Variants in PARD3B observed in about 807,000 individuals in gnomAD.
PARD3B encodes par-3 family cell polarity regulator beta.
In PARD3B, 103 loss-of-function variants were observed where a neutral mutation model predicts 130.2. That is an observed-to-expected ratio of 0.79 (90% CI 0.67 to 0.93). The LOEUF is 0.93. Among genes scored for constraint, PARD3B ranks in the 40% least tolerant of loss-of-function variants. The pLI is 0.00. For synonymous variants in PARD3B, 583 were observed against 553.2 expected (o/e 1.05, Z -0.76); for missense variants, 1,609 against 1,499.2 (o/e 1.07, Z -1.21).
At chr2:205,248,500 T>C (rs1347616363) in intron 16 of PARD3B, among the ~76,000 whole-genome samples, 1 of 151,970 alleles carries the variant, frequency 6.6e-6, no homozygotes, top group African/African-American at 2.4e-5. Context: ...TAAATTCATT[T>C]AAATTCACCT....
At chr2:205,191,676 A>T (rs2036404818) in intron 14 of PARD3B, among the ~76,000 whole-genome samples, 1 of 152,206 alleles carries the variant, frequency 6.6e-6, no homozygotes, top group Non-Finnish European at 1.5e-5. Flanking sequence ...CACTCATTCT[A>T]TTCTCTCAAC....
chr2:204,614,166 A>G (rs1032004956), intron 1 of PARD3B, among the ~76,000 whole-genome samples: 7 of 152,282 alleles, frequency 4.6e-5, no homozygotes, highest in African/African-American at 1.4e-4. Context: ...TCCAATAGAA[A>G]TATAATGCAA....
chr2:205,059,168 A>G (rs1468814680), intron 4 of PARD3B, among the ~76,000 whole-genome samples: 1 of 152,016 alleles, frequency 6.6e-6, no homozygotes, highest in Non-Finnish European at 1.5e-5. Context: ...TTTCCCCAGC[A>G]TCATTTGTTA....
intron 1 of PARD3B, among the ~76,000 whole-genome samples, chr2:204,618,714 T>C (rs2034195217): frequency 6.6e-6 from 1 of 152,200 alleles, no homozygotes; most frequent in African/African-American, 2.4e-5. Flanking sequence ...GTTGCTAGAC[T>C]CTTTTGACAT....
intron 5 of PARD3B, among the ~76,000 whole-genome samples, chr2:205,109,650 CTTTT>C (rs35545106): frequency 2.9e-5 from 2 of 69,312 alleles, no homozygotes. Context: ...AATACCTAAT[CTTTT>C]TTTTTTTTTT....
rs2040474089 is a variant in PARD3B, at chr2:204,751,707, A to T, written c.222+65425A>T. Among the ~76,000 whole-genome samples, 3 of 152,198 alleles carry T rather than the reference A, an allele frequency of 2.0e-5. No homozygotes were observed. In the South Asian group the frequency reaches 6.2e-4, roughly 32 times the overall value. ...ATTGGTAGATGATGAGTTGACCAAA[A>T]TTCAGCACTTGGCCAAAATTGCTGA... is the stretch of plus-strand genomic sequence containing the variant. On this transcript the variant is annotated intron_variant, in intron 2 of 22. Coordinates refer to ENST00000406610, the MANE Select transcript of PARD3B (RefSeq NM_001302769.2).
chr2:205,104,363 T>C, intron 4 of PARD3B, 63 bp from the exon 5 acceptor site: 1 of 1,215,514 alleles, frequency 8.2e-7, no homozygotes, highest in Non-Finnish European at 1.2e-6. Context: ...ATTGGGATAT[T>C]TTATTCAGAT....
intron 10 of PARD3B, among the ~76,000 whole-genome samples, chr2:205,144,389 T>A (rs2033198496): frequency 6.6e-6 from 1 of 152,230 alleles, no homozygotes; most frequent in Non-Finnish European, 1.5e-5. Context: ...GATGATTTGT[T>A]ATGCAGCATT....
At chr2:205,174,832 A>ATCCTTGT (rs2035374683) in intron 12 of PARD3B, among the ~76,000 whole-genome samples, 1 of 152,234 alleles carries the variant, frequency 6.6e-6, no homozygotes, top group Non-Finnish European at 1.5e-5. Flanking sequence ...AGTTTTGATG[A>ATCCTTGT]GGACCTTGTG....
intron 2 of PARD3B, among the ~76,000 whole-genome samples, chr2:204,955,733 C>T (rs1206478743): frequency 1.3e-5 from 2 of 152,066 alleles, no homozygotes; most frequent in African/African-American, 4.8e-5. Flanking sequence ...TAATACAGTG[C>T]CTAGCACATA....
chr2:204,951,828 A>G (rs1466296994), intron 2 of PARD3B, among the ~76,000 whole-genome samples: 1 of 152,196 alleles, frequency 6.6e-6, no homozygotes, highest in East Asian at 1.9e-4. Flanking sequence ...TCAAGAAATG[A>G]TGAAAAGAGG....
chr2:205,357,255 G>A (rs995603813), intron 18 of PARD3B, among the ~76,000 whole-genome samples: 10 of 152,210 alleles, frequency 6.6e-5, no homozygotes, highest in African/African-American at 2.4e-4. Flanking sequence ...AGTTTCGGGT[G>A]TGTATGTTCA....
rs182391467 is a variant in PARD3B at position 204,976,537 on chromosome 2, A to C, written c.394+11214A>C. ...AAATCTGCTAGTCACTGTTAATTTC[A>C]TTATTATATTTATTATGGATCATTT... On this transcript the variant is annotated intron_variant, in intron 3 of 22. Coordinates refer to ENST00000406610, the MANE Select transcript of PARD3B (RefSeq NM_001302769.2). Among the ~76,000 whole-genome samples the C allele has an allele frequency of 2.9e-3, 445 of 151,886 alleles. 1 individual carries two copies. The highest frequency in any genetic ancestry group is 5.3e-3 in the Non-Finnish European group (360 of 67,980).
chr2:205,439,707 A>G (rs2047644577), intron 19 of PARD3B, among the ~76,000 whole-genome samples: 1 of 152,116 alleles, frequency 6.6e-6, no homozygotes, highest in Non-Finnish European at 1.5e-5. Context: ...TATATGTGCC[A>G]ATTCATCTCT....
intron 4 of PARD3B, among the ~76,000 whole-genome samples, chr2:205,059,003 C>T (rs1301623210): frequency 6.6e-6 from 1 of 151,036 alleles, no homozygotes; most frequent in Non-Finnish European, 1.5e-5. Context: ...AAATCATTAC[C>T]AAATTCCACA....
chr2:204,588,468 G>A (rs961034116), intron 1 of PARD3B, among the ~76,000 whole-genome samples: 1 of 152,142 alleles, frequency 6.6e-6, no homozygotes, highest in Non-Finnish European at 1.5e-5. Flanking sequence ...GCTTCCTACA[G>A]AAACTATTCC....
At chr2:205,277,056 C>T (rs1022845848) in intron 16 of PARD3B, among the ~76,000 whole-genome samples, 3 of 152,174 alleles carry the variant, frequency 2.0e-5, no homozygotes, top group African/African-American at 7.2e-5. Flanking sequence ...AACAAGAGTC[C>T]ATGCTCTTCA....
intron 19 of PARD3B, among the ~76,000 whole-genome samples, chr2:205,435,973 T>C (rs1575016427): frequency 6.6e-6 from 1 of 152,220 alleles, no homozygotes; most frequent in East Asian, 1.9e-4. Flanking sequence ...AGACAGAAAT[T>C]TATTTTCTCA....
In PARD3B at chr2:204,606,497, CT is replaced by C. The variant is rs1306696613; in HGVS notation, c.120+60379del. ...GAAAAGAGAAGTAGAAATAAATGCA[CT>C]GACTTTTAAAGCTTCTGCACAGAGA... On this transcript the variant is annotated intron_variant, in intron 1 of 22. Transcript: ENST00000406610. The surrounding 1 kb of genome is among the most constrained non-coding windows in gnomAD (Gnocchi z 4.0). 2.6e-5 allele frequency among the ~76,000 whole-genome samples: 4 copies of C among 152,132 alleles called. No individual in the cohort carries two copies. Among genetic ancestry groups the C allele is most frequent in the African/African-American group, 7.2e-5 (3 of 41,440 alleles).
Sources: gnomAD v4.1 joint callset for allele counts (sites outside exome capture counted in the v4.1 genomes callset) on GRCh38, gnomAD v4.1.1 for gene constraint, Gnocchi (gnomAD v3.1) non-coding constraint, MANE v1.5 for transcripts, NCBI Gene and HGNC (gene_info 2026-07-23, HGNC 2026-07-21) for gene names.